PHLDA2: variants seen among roughly 807,000 people sequenced by gnomAD.
PHLDA2 encodes the protein pleckstrin homology like domain family A member 2.
In PHLDA2, 5 loss-of-function variants were observed where a neutral mutation model predicts 5.9. The ratio of observed to expected loss-of-function variants is 0.85; its 90% CI spans 0.44 to 1.78. PHLDA2 has a LOEUF of 1.78. PHLDA2 is among the 40% of genes most tolerant of loss of function. PHLDA2 has a pLI of 0.02. For synonymous variants in PHLDA2, 111 were observed against 102.7 expected, an observed-to-expected ratio of 1.08 and a Z score of -0.49; for missense variants, 216 against 228.3, an observed-to-expected ratio of 0.95 and a Z score of 0.35.
chr11:2,928,810 C>T lies in PHLDA2; in HGVS notation c.*10+86G>A, dbSNP rs1472921329. ...AGGAGGTGCAGCGCCCCCGCCCCGC[C>T]GTCTGGGGTTGAAGTGGTTTTTCCC... On this transcript the variant is annotated intron_variant, in intron 1 of 1. Coordinates refer to ENST00000314222, the MANE Select transcript of PHLDA2 (RefSeq NM_003311.4). 28 of 983,168 alleles carry T rather than the reference C, an allele frequency of 2.8e-5. No homozygotes were observed. The Admixed American group carries it at 1.1e-3, about 40-fold the overall frequency. 60.9% of individuals were successfully genotyped at this position (983,168 alleles called of 1,614,324 possible). A position where few individuals can be genotyped will look rare whatever the true frequency, so the allele number is the denominator to read the frequency against.
chr11:2,929,230 C>T lies in PHLDA2; in HGVS notation c.135G>A (p.Ala45=). 1 of 1,611,934 alleles carries T rather than the reference C, an allele frequency of 6.2e-7. No homozygotes were observed. Among genetic ancestry groups the T allele is most frequent in the South Asian group, 1.1e-5 (1 of 90,914 alleles). Residue 45 remains alanine (A), a synonymous_variant, in exon 1 of 2, where the codon GCG becomes GCA. Transcript: ENST00000314222. This position sits in a 1 kb window ranked among gnomAD's most constrained non-coding sequence, Gnocchi z 8.3. ...AGTGGAAGCGCAGCTCCTTGGGGCGCGCGCGGGGGCTGGCGGGGAACAGGC... is the reference window on the plus strand; with the variant it reads ...AGTGGAAGCGCAGCTCCTTGGGGCGTGCGCGGGGGCTGGCGGGGAACAGGC... The part of the protein sequence containing the change: ...RLSLFPASPR[A]RPKELRFHSI...
In PHLDA2 at chr11:2,928,767, G is replaced by C. The variant is rs1483958082; in HGVS notation, c.*11-100C>G. 5.8e-6 allele frequency: 4 copies of C among 694,904 alleles called. No homozygotes were observed. The East Asian group carries it at 1.4e-4, about 24-fold the overall frequency. 43.0% of individuals were successfully genotyped at this position (694,904 alleles called of 1,614,324 possible). A position where few individuals can be genotyped will look rare whatever the true frequency, so the allele number is the denominator to read the frequency against. On this transcript the variant is annotated intron_variant, in intron 1 of 1. Transcript: ENST00000314222. ...GACGCGAGGGGGCCAGCGCGATTGC[G>C]GGGCGCCGGGTCCCCCAAGGAGGTG...
At position 2,929,116 on chromosome 11, in the gene PHLDA2, G is replaced by A; in HGVS notation, c.249C>T (p.Arg83=). 1 of 1,612,352 alleles carries A rather than the reference G, an allele frequency of 6.2e-7. No individual in the cohort carries two copies. Among genetic ancestry groups the A allele is most frequent in the Non-Finnish European group, 8.5e-7 (1 of 1,179,702 alleles). The change falls in exon 1 of 2, where the codon CGC becomes CGT. Residue 83 remains arginine (R), a synonymous_variant. Transcript: ENST00000314222. The surrounding 1 kb of genome is among the most constrained non-coding windows in gnomAD (Gnocchi z 8.3). ...VTTDHKEIDF[R]CAGESCWNAA... is the part of the protein sequence containing the mutation. ...CGTTCCAGCAGCTCTCGCCCGCGCA[G>A]CGGAAGTCGATCTCCTTGTGGTCGG...
chr11:2,928,804 C>T, intron 1 of PHLDA2, 92 bp downstream of exon 1: 2 of 962,680 alleles, frequency 2.1e-6, no homozygotes, highest in South Asian at 2.4e-5. Flanking sequence ...AGCGCCCCCG[C>T]CCCGCCGTCT....
At position 2,928,412 on chromosome 11, in the gene PHLDA2, C is replaced by G. The variant is rs926982043; in HGVS notation, c.*266G>C. The G allele has an allele frequency of 1.3e-5, 2 of 155,044 alleles. No individual in the cohort carries two copies. Among genetic ancestry groups the G allele is most frequent in the Non-Finnish European group, 2.9e-5 (2 of 70,136 alleles). The allele number at this position is 155,044 out of a possible 1,614,324, so 9.6% of individuals were successfully genotyped here. On this transcript the variant is annotated 3_prime_UTR_variant, in exon 2 of 2. Transcript: ENST00000314222. ...CAGCAGGAGTCTCACTGAGCCACAG[C>G]CGGATGGTAGAAAAGCAAACTGGCC...
At chr11:2,928,859 G>C (rs763184811) in intron 1 of PHLDA2, 37 bp downstream of exon 1, 1 of 1,298,298 alleles carries the variant, frequency 7.7e-7, no homozygotes, top group East Asian at 3.1e-5. Context: ...CCGGCTGTTA[G>C]GGCGCAGGGC....
In PHLDA2 at chr11:2,928,987, G is replaced by T; in HGVS notation, c.378C>A (p.Ala126=). 1.3e-6 allele frequency: 2 copies of T among 1,554,582 alleles called. No homozygotes were observed. Among genetic ancestry groups the T allele is most frequent in the Non-Finnish European group, 8.6e-7 (1 of 1,161,072 alleles). ...AGGGTGCGGCGGCCGCGGCAGCCACGGCGTCCTCGGCGGGTGCGGCGGGTG... is the reference window on the plus strand; with the variant it reads ...AGGGTGCGGCGGCCGCGGCAGCCACTGCGTCCTCGGCGGGTGCGGCGGGTG... ...RTAPAAPAED[A]VAAAAAAPSE... is the part of the protein sequence containing the mutation. The change falls in exon 1 of 2, where the codon GCC becomes GCA. Residue 126 remains alanine (A), a synonymous_variant. Transcript: ENST00000314222.
rs1850465152 is a variant in PHLDA2 at position 2,928,579 on chromosome 11, G to C, written c.*99C>G. 2.5e-6 allele frequency: 1 copy of C among 392,760 alleles called. No individual in the cohort carries two copies. Among genetic ancestry groups the C allele is most frequent in the East Asian group, 3.9e-5 (1 of 25,378 alleles). The allele number at this position is 392,760 out of a possible 1,614,324, so 24.3% of individuals were successfully genotyped here. On this transcript the variant is annotated 3_prime_UTR_variant, in exon 2 of 2. Coordinates refer to ENST00000314222, the MANE Select transcript of PHLDA2 (RefSeq NM_003311.4). ...TAAGGCGCCCGTGCAACGGAGCGAG[G>C]ATCCGCGCGCACGGGAAGTTCTTCT...
chr11:2,928,948 C>T lies in PHLDA2; in HGVS notation c.417G>A (p.Glu139=), dbSNP rs944986204. ...AAAAAPSEPS[E]PSRPSPQPKP... The stretch of plus-strand genomic sequence containing the variant: ...TGGGCTGCGGGGATGGCCTGGAGGG[C>T]TCCGAGGGCTCGGAGGGTGCGGCGG... Residue 139 remains glutamate, a synonymous_variant, in exon 1 of 2, where the codon GAG becomes GAA. Coordinates refer to ENST00000314222, the MANE Select transcript of PHLDA2 (RefSeq NM_003311.4). The T allele has an allele frequency of 2.5e-5, 37 of 1,473,048 alleles. No individual in the cohort carries two copies. The highest frequency in any genetic ancestry group is 3.2e-5 in the Non-Finnish European group (36 of 1,124,260). The allele number at this position is 1,473,048 out of a possible 1,614,324, so 91.2% of individuals were successfully genotyped here. A position where few individuals can be genotyped will look rare whatever the true frequency, so the allele number is the denominator to read the frequency against.
chr11:2,929,319 G>C lies in PHLDA2; in HGVS notation c.46C>G (p.Arg16Gly). Residue 16 changes from arginine to glycine, a missense_variant, in exon 1 of 2, where the codon CGC becomes GGC. Transcript: ENST00000314222. The surrounding 1 kb of genome is among the most constrained non-coding windows in gnomAD (Gnocchi z 8.3). Reference protein sequence around the residue: ...EVLREGELEKRSDSLFQLWKK... With the variant: ...EVLREGELEKGSDSLFQLWKK... ...CATAGCTGGAAGAGGCTGTCGCTGC[G>C]CTTCTCCAACTCGCCCTCGCGTAGC... 1 of 1,609,386 alleles carries C rather than the reference G, an allele frequency of 6.2e-7. No individual in the cohort carries two copies. Among genetic ancestry groups the C allele is most frequent in the Non-Finnish European group, 8.5e-7 (1 of 1,178,840 alleles).
chr11:2,928,598 T>C lies in PHLDA2; in HGVS notation c.*80A>G. ...AGCGAGGATCCGCGCGCACGGGAAG[T>C]TCTTCTGCTGCAGGGCTGGAGAGCG... On this transcript the variant is annotated 3_prime_UTR_variant, in exon 2 of 2. Coordinates refer to ENST00000314222, the MANE Select transcript of PHLDA2 (RefSeq NM_003311.4). 2.5e-6 allele frequency: 1 copy of C among 397,972 alleles called. No homozygotes were observed. Among genetic ancestry groups the C allele is most frequent in the Non-Finnish European group, 4.4e-6 (1 of 227,726 alleles). The allele number at this position is 397,972 out of a possible 1,614,324, so 24.7% of individuals were successfully genotyped here. A position where few individuals can be genotyped will look rare whatever the true frequency, so the allele number is the denominator to read the frequency against.
In PHLDA2 at chr11:2,928,671, T is replaced by A; in HGVS notation, c.*11-4A>T. On this transcript the variant is annotated splice_polypyrimidine_tract_variant and splice_region_variant and intron_variant, in intron 1 of 1. Coordinates refer to ENST00000314222, the MANE Select transcript of PHLDA2 (RefSeq NM_003311.4). ...CCGACTCGTCCAGCGTATGGCCCTG[T>A]GGGGAAAGGACTGGGTCAGAGAGCT... is the stretch of plus-strand genomic sequence containing the variant. 1 of 456,236 alleles carries A rather than the reference T, an allele frequency of 2.2e-6. No individual in the cohort carries two copies. 28.3% of individuals were successfully genotyped at this position (456,236 alleles called of 1,614,324 possible). A position where few individuals can be genotyped will look rare whatever the true frequency, so the allele number is the denominator to read the frequency against.
At position 2,929,010 on chromosome 11, in the gene PHLDA2, G is replaced by A. The variant is rs770393406; in HGVS notation, c.355C>T (p.Pro119Ser). The change falls in exon 1 of 2, where the codon CCC (proline) becomes TCC (serine). Residue 119 changes from proline (P) to serine (S), a missense_variant. By Grantham distance (74) the Pro-to-Ser change is moderately conservative. Coordinates refer to ENST00000314222, the MANE Select transcript of PHLDA2 (RefSeq NM_003311.4). The surrounding 1 kb of genome is among the most constrained non-coding windows in gnomAD (Gnocchi z 8.3). ...ACGGCGTCCTCGGCGGGTGCGGCGGGTGCGGTGCGTTCCTGGCGGCTGCGA... is the reference window on the plus strand; with the variant it reads ...ACGGCGTCCTCGGCGGGTGCGGCGGATGCGGTGCGTTCCTGGCGGCTGCGA... ...DFRSRQERTA[P>S]AAPAEDAVAA... The A allele has an allele frequency of 2.6e-6, 4 of 1,540,726 alleles. No individual in the cohort carries two copies. The highest frequency in any genetic ancestry group is 2.4e-5 in the East Asian group (1 of 41,590).
Position 2,928,940 on chromosome 11 carries a change from C to T in PHLDA2, c.425G>A (p.Arg142Lys). The T allele has an allele frequency of 6.9e-7, 1 of 1,456,612 alleles. No homozygotes were observed. Among genetic ancestry groups the T allele is most frequent in the African/African-American group, 1.5e-5 (1 of 68,208 alleles). The allele number at this position is 1,456,612 out of a possible 1,614,324, so 90.2% of individuals were successfully genotyped here. A position where few individuals can be genotyped will look rare whatever the true frequency, so the allele number is the denominator to read the frequency against. ...GCGGGGTTTGGGCTGCGGGGATGGC[C>T]TGGAGGGCTCCGAGGGCTCGGAGGG... ...AAPSEPSEPSRPSPQPKPRTP is the reference protein window; with the variant it reads ...AAPSEPSEPSKPSPQPKPRTP The change falls in exon 1 of 2, where the codon AGG (arginine) becomes AAG (lysine). Residue 142 changes from arginine to lysine, a missense_variant. Coordinates refer to ENST00000314222, the MANE Select transcript of PHLDA2 (RefSeq NM_003311.4).
intron 1 of PHLDA2, 77 bp downstream of exon 1, chr11:2,928,819 T>G: frequency 3.0e-5 from 30 of 1,009,060 alleles, no homozygotes; most frequent in Non-Finnish European, 3.4e-5. Flanking sequence ...CCGTCTGGGG[T>G]TGAAGTGGTT....
rs755002132 is a variant in PHLDA2, at chr11:2,929,132, T to C, written c.233A>G (p.Lys78Arg). The C allele has an allele frequency of 3.1e-6, 5 of 1,612,806 alleles. No individual in the cohort carries two copies. Among genetic ancestry groups the C allele is most frequent in the Non-Finnish European group, 3.4e-6 (4 of 1,179,856 alleles). Reference sequence around the variant, plus strand: ...GCCCGCGCAGCGGAAGTCGATCTCCTTGTGGTCGGTGGTGACGATGGTGAA... The same window carrying C: ...GCCCGCGCAGCGGAAGTCGATCTCCCTGTGGTCGGTGGTGACGATGGTGAA... ...VYFTIVTTDH[K>R]EIDFRCAGES... Residue 78 changes from lysine (K) to arginine (R), a missense_variant, in exon 1 of 2, where the codon AAG becomes AGG. Lys to Arg is a conservative substitution (Grantham distance 26). Coordinates refer to ENST00000314222, the MANE Select transcript of PHLDA2 (RefSeq NM_003311.4). This position sits in a 1 kb window ranked among gnomAD's most constrained non-coding sequence, Gnocchi z 8.3.
chr11:2,928,636 T>C lies in PHLDA2; in HGVS notation c.*42A>G. ...GGGCTGGAGAGCGCCGGCCACGTCC[T>C]AGCCTCGGTCCGACTCGTCCAGCGT... On this transcript the variant is annotated 3_prime_UTR_variant, in exon 2 of 2. Transcript: ENST00000314222. 1 of 427,606 alleles carries C rather than the reference T, an allele frequency of 2.3e-6. No individual in the cohort carries two copies. Among genetic ancestry groups the C allele is most frequent in the African/African-American group, 2.1e-5 (1 of 48,558 alleles). 26.5% of individuals were successfully genotyped at this position (427,606 alleles called of 1,614,324 possible). A position where few individuals can be genotyped will look rare whatever the true frequency, so the allele number is the denominator to read the frequency against.
Position 2,929,014 on chromosome 11 carries a change from G to A in PHLDA2, c.351C>T (p.Thr117=). The A allele has an allele frequency of 1.9e-6, 3 of 1,544,276 alleles. No homozygotes were observed. The highest frequency in any genetic ancestry group is 2.6e-6 in the Non-Finnish European group (3 of 1,153,038). The change falls in exon 1 of 2, where the codon ACC becomes ACT. Residue 117 remains threonine (T), a synonymous_variant. Coordinates refer to ENST00000314222, the MANE Select transcript of PHLDA2 (RefSeq NM_003311.4). The surrounding 1 kb of genome is among the most constrained non-coding windows in gnomAD (Gnocchi z 8.3). ...CGTCCTCGGCGGGTGCGGCGGGTGCGGTGCGTTCCTGGCGGCTGCGAAAGT... is the reference window on the plus strand; with the variant it reads ...CGTCCTCGGCGGGTGCGGCGGGTGCAGTGCGTTCCTGGCGGCTGCGAAAGT... ...LQDFRSRQER[T]APAAPAEDAV... is the part of the protein sequence containing the mutation.
chr11:2,928,916 C>A lies in PHLDA2; in HGVS notation c.449G>T (p.Arg150Leu), dbSNP rs757287852. The change falls in exon 1 of 2, where the codon CGC becomes CTC. Residue 150 changes from arginine to leucine, a missense_variant. Arg to Leu is a moderately radical substitution (Grantham distance 102, BLOSUM62 -2). Coordinates refer to ENST00000314222, the MANE Select transcript of PHLDA2 (RefSeq NM_003311.4). ...PSRPSPQPKP[R>L]TP is the part of the protein sequence containing the mutation. ...CTCACCGCGGCGGGCTCATGGCGTGCGGGGTTTGGGCTGCGGGGATGGCCT... is the reference window on the plus strand; with the variant it reads ...CTCACCGCGGCGGGCTCATGGCGTGAGGGGTTTGGGCTGCGGGGATGGCCT... 113 of 1,378,620 alleles carry A rather than the reference C, an allele frequency of 8.2e-5. No individual in the cohort carries two copies. Among genetic ancestry groups the A allele is most frequent in the Non-Finnish European group, 1.1e-5 (12 of 1,075,470 alleles). The allele number at this position is 1,378,620 out of a possible 1,614,324, so 85.4% of individuals were successfully genotyped here. A position where few individuals can be genotyped will look rare whatever the true frequency, so the allele number is the denominator to read the frequency against.
Sources: gnomAD v4.1 joint callset for allele counts on GRCh38, gnomAD v4.1.1 for gene constraint, Gnocchi (gnomAD v3.1) non-coding constraint, MANE v1.5 for transcripts, NCBI Gene and HGNC (gene_info 2026-07-23, HGNC 2026-07-21) for gene names.